The following DIP2C variants were observed in gnomAD, a reference collection of about 807,000 sequenced individuals.
The protein encoded by DIP2C is disco-interacting protein 2 homolog C.
A neutral mutation model predicts 192.4 loss-of-function variants in DIP2C; 33 were observed. The observed-to-expected ratio is 0.17, with a 90% CI of 0.13 to 0.23. The LOEUF is 0.23. Among genes scored for constraint, DIP2C ranks in the 10% least tolerant of loss-of-function variants. The pLI is 1.00. For synonymous variants in DIP2C, 979 were observed against 864.1 expected (o/e 1.13, Z -2.33); for missense variants, 1,537 against 2,110.1 (o/e 0.73, Z 5.32).
chr10:285,098 A>C (rs909669232), intron 34 of DIP2C, among the ~76,000 whole-genome samples: 2 of 143,004 alleles, frequency 1.4e-5, no homozygotes, highest in African/African-American at 5.3e-5. Context: ...ACAGAATTTT[A>C]TCTCCGCAGT....
intron 1 of DIP2C, chr10:662,246 G>A (rs573207990): frequency 7.7e-6 from 5 of 645,722 alleles, no homozygotes; most frequent in Middle Eastern, 2.5e-4. Context: ...AGCTCCTCCT[G>A]AAGGTACTGT....
At chr10:688,704 C>G (rs1831422627) in intron 1 of DIP2C, among the ~76,000 whole-genome samples, 1 of 152,170 alleles carries the variant, frequency 6.6e-6, no homozygotes, top group Non-Finnish European at 1.5e-5. Flanking sequence ...AAACTTATGA[C>G]AGTTGAGCAC....
chr10:464,794 G>T (rs992480616), intron 3 of DIP2C, among the ~76,000 whole-genome samples: 1 of 152,046 alleles, frequency 6.6e-6, no homozygotes, highest in East Asian at 1.9e-4. Context: ...TAGAAGAAAT[G>T]GATACATTCC....
At chr10:284,165 T>C (rs1186477365) in intron 34 of DIP2C, among the ~76,000 whole-genome samples, 1 of 152,222 alleles carries the variant, frequency 6.6e-6, no homozygotes, top group East Asian at 1.9e-4. Context: ...GGAGACATTC[T>C]GGGCTTGGCT....
At chr10:359,110 G>A (rs1377100706) in intron 22 of DIP2C, among the ~76,000 whole-genome samples, 3 of 152,146 alleles carry the variant, frequency 2.0e-5, no homozygotes, top group Admixed American at 6.5e-5. Context: ...AGATGCAGCT[G>A]ACGGGGCAGT....
intron 36 of DIP2C, among the ~76,000 whole-genome samples, chr10:278,063 CGGTGG>C (rs1954612938): frequency 6.7e-6 from 1 of 148,784 alleles, no homozygotes; most frequent in African/African-American, 2.5e-5. Context: ...TCTGTCTGTG[CGGTGG>C]CCCCGAGTCC....
At chr10:391,004 T>A in intron 10 of DIP2C, 141 bp from the exon 11 acceptor site, 1 of 1,269,216 alleles carries the variant, frequency 7.9e-7, no homozygotes, top group Non-Finnish European at 1.1e-6. Flanking sequence ...TTGGTATCTG[T>A]GGGACCCTGA....
intron 8 of DIP2C, among the ~76,000 whole-genome samples, 195 bp from the exon 9 acceptor site, chr10:409,212 C>T (rs1965018303): frequency 6.6e-6 from 1 of 151,494 alleles, no homozygotes; most frequent in Admixed American, 6.6e-5. Context: ...AGAAAAGCAT[C>T]AGGGATTCTA....
At chr10:300,911 G>A (rs1007646042) in intron 32 of DIP2C, among the ~76,000 whole-genome samples, 1 of 152,210 alleles carries the variant, frequency 6.6e-6, no homozygotes, top group African/African-American at 2.4e-5. Flanking sequence ...TCCACAGAAA[G>A]GACTTGAAAA....
At chr10:418,955 G>A (rs1965986372) in intron 6 of DIP2C, 110 bp downstream of exon 6, 3 of 1,509,214 alleles carry the variant, frequency 2.0e-6, no homozygotes, top group Admixed American at 3.9e-5. Context: ...AATTGGCTTT[G>A]TCAGAACCGA....
chr10:477,982 T>C (rs1473798111), intron 2 of DIP2C, among the ~76,000 whole-genome samples: 2 of 57,026 alleles, frequency 3.5e-5, no homozygotes, highest in African/African-American at 1.6e-4. Flanking sequence ...GAACAGAAAG[T>C]AGAAGAGAAG....
At chr10:400,397 G>A (rs927449880) in intron 9 of DIP2C, among the ~76,000 whole-genome samples, 8 of 152,212 alleles carry the variant, frequency 5.3e-5, no homozygotes, top group Non-Finnish European at 8.8e-5. Flanking sequence ...ATGATAGAGT[G>A]TTAATAGACA....
At chr10:483,482 G>C (rs1588260293) in intron 2 of DIP2C, among the ~76,000 whole-genome samples, 1 of 152,194 alleles carries the variant, frequency 6.6e-6, no homozygotes, top group African/African-American at 2.4e-5. Context: ...AAACAGCCTC[G>C]CTGGGGCCCT....
chr10:457,483 A>G (rs1969395931), intron 3 of DIP2C, among the ~76,000 whole-genome samples: 1 of 152,166 alleles, frequency 6.6e-6, no homozygotes, highest in African/African-American at 2.4e-5. Flanking sequence ...AATCTATCCT[A>G]TATATTTCTG....
intron 25 of DIP2C, 131 bp downstream of exon 25, chr10:349,200 A>C: frequency 7.6e-7 from 1 of 1,308,558 alleles, no homozygotes; most frequent in South Asian, 1.5e-5. Context: ...GTTAGCATCC[A>C]GCTGGATACA....
rs146004621 is a variant in DIP2C at position 491,494 on chromosome 10, G to A, written c.86-4964C>T. ...TAGGCTTCTTCGTTCTCCAGCAGGC[G>A]CTGCAGACCGGTGACAGCTCCTGTG... On this transcript the variant is annotated intron_variant, in intron 1 of 36. Transcript: ENST00000280886. Among the ~76,000 whole-genome samples the A allele has an allele frequency of 2.2e-4, 34 of 152,272 alleles. No individual in the cohort carries two copies. In the East Asian group the frequency reaches 4.6e-3, roughly 21 times the overall value.
intron 4 of DIP2C, among the ~76,000 whole-genome samples, chr10:423,726 T>A (rs1464409137): frequency 1.3e-5 from 2 of 151,628 alleles, no homozygotes; most frequent in Non-Finnish European, 2.9e-5. Context: ...TACGTCGGTG[T>A]GTGTGTGTTA....
chr10:484,246 A>C (rs1188436510), intron 2 of DIP2C, among the ~76,000 whole-genome samples: 3 of 152,254 alleles, frequency 2.0e-5, no homozygotes, highest in African/African-American at 4.8e-5. Context: ...CTGTATTCAA[A>C]ATACTGTCCG....
chr10:419,760 ATTATT>A (rs1454880833), intron 5 of DIP2C, among the ~76,000 whole-genome samples: 7 of 152,164 alleles, frequency 4.6e-5, no homozygotes, highest in Non-Finnish European at 8.8e-5. Flanking sequence ...ATCAAGAACT[ATTATT>A]TTATTATTTC....
Sources: allele counts gnomAD v4.1 joint callset (sites outside exome capture counted in the v4.1 genomes callset), GRCh38; gene constraint gnomAD v4.1.1; transcripts MANE v1.5; gene names NCBI Gene and HGNC (gene_info 2026-07-23, HGNC 2026-07-21).